Variants in DOK7 observed in about 807,000 individuals in gnomAD.
DOK7 encodes the protein protein Dok-7.
DOK7 carries 32 observed loss-of-function variants against 30.7 expected under a neutral mutation model. That is an observed-to-expected ratio of 1.04 (90% CI 0.79 to 1.40). The LOEUF (loss-of-function observed/expected upper bound fraction) is 1.40, where lower values mean the gene tolerates loss of function less well. Ranked by LOEUF, DOK7 falls within the 40% of genes most tolerant of loss-of-function variation. DOK7 has a pLI of 0.00. For synonymous variants in DOK7, 447 were observed against 324.1 expected, an observed-to-expected ratio of 1.38 and a Z score of -4.07; for missense variants, 1,007 against 699.2, an observed-to-expected ratio of 1.44 and a Z score of -4.97.
chr4:3,463,562 C>T lies in DOK7; in HGVS notation c.100+11C>T, dbSNP rs1423367940. On this transcript the variant is annotated intron_variant, in intron 2 of 6. Coordinates refer to ENST00000340083, the MANE Select transcript of DOK7 (RefSeq NM_173660.5). ...CGTCGCCCGTGGCAGGTGAGCGGGG[C>T]GGGCGGGGGACGGGGGGCGCGGGGG... The T allele has an allele frequency of 4.8e-5, 13 of 271,526 alleles. No individual in the cohort carries two copies. Among genetic ancestry groups the T allele is most frequent in the South Asian group, 1.8e-4 (6 of 33,880 alleles). 16.8% of individuals were successfully genotyped at this position (271,526 alleles called of 1,614,324 possible). A position where few individuals can be genotyped will look rare whatever the true frequency, so the allele number is the denominator to read the frequency against.
chr4:3,491,464 TTC>T (rs1455108891), intron 6 of DOK7, among the ~76,000 whole-genome samples: 2 of 149,850 alleles, frequency 1.3e-5, no homozygotes, highest in Admixed American at 6.6e-5. Context: ...CCTACTCAAT[TTC>T]TCTCTCACTC....
intron 6 of DOK7, 54 bp downstream of exon 6, chr4:3,489,850 A>G (rs1728084942): frequency 3.9e-6 from 6 of 1,547,488 alleles, no homozygotes; most frequent in Non-Finnish European, 5.2e-6. Flanking sequence ...CTCCAGCAGG[A>G]GAGCTCAGGA....
intron 4 of DOK7, among the ~76,000 whole-genome samples, chr4:3,477,382 T>C (rs1330889527): frequency 1.3e-5 from 2 of 151,722 alleles, no homozygotes; most frequent in African/African-American, 4.8e-5. Flanking sequence ...CTCACACTGG[T>C]GGGGGCTCTG....
At chr4:3,500,595 C>A (rs1261283615) in intron 7 of DOK7, 5 of 1,524,268 alleles carry the variant, frequency 3.3e-6, no homozygotes, top group African/African-American at 1.4e-5. Flanking sequence ...CACTCAGATG[C>A]TTCCGAGGGC....
intron 6 of DOK7, among the ~76,000 whole-genome samples, chr4:3,499,964 G>A (rs1349189836): frequency 6.6e-6 from 1 of 151,948 alleles, no homozygotes; most frequent in East Asian, 1.9e-4. Context: ...GGCCCATGGG[G>A]GGGTCGGCAA....
intron 5 of DOK7, among the ~76,000 whole-genome samples, chr4:3,487,562 A>C (rs960220456): frequency 6.6e-6 from 1 of 152,214 alleles, no homozygotes; most frequent in Non-Finnish European, 1.5e-5. Context: ...GGAAGGGCTC[A>C]GAGGTCTGGG....
downstream of DOK7, among the ~76,000 whole-genome samples, chr4:3,498,240 T>A (rs1577191708): frequency 6.6e-6 from 1 of 151,850 alleles, no homozygotes; most frequent in Non-Finnish European, 1.5e-5. Context: ...AAAATCCAAG[T>A]CCCAAGGAGG....
Position 3,493,965 on chromosome 4 carries a change from T to TCCGGCCACCTGGGCTCCACCAGC in DOK7, c.*467_*489dup, listed in dbSNP as rs1255978501. 16 of 995,094 alleles carry TCCGGCCACCTGGGCTCCACCAGC rather than the reference T, an allele frequency of 1.6e-5. No homozygotes were observed. Among genetic ancestry groups the TCCGGCCACCTGGGCTCCACCAGC allele is most frequent in the African/African-American group, 8.8e-5 (5 of 56,916 alleles). 61.6% of individuals were successfully genotyped at this position (995,094 alleles called of 1,614,324 possible). A position where few individuals can be genotyped will look rare whatever the true frequency, so the allele number is the denominator to read the frequency against. The stretch of plus-strand genomic sequence containing the variant: ...TTAAGCATCAAGCTACCACAGAGGC[T>TCCGGCCACCTGGGCTCCACCAGC]CCGGCCACCTGGGCTCCACCAGCCC... On this transcript the variant is annotated 3_prime_UTR_variant, in exon 7 of 7. Coordinates refer to ENST00000340083, the MANE Select transcript of DOK7 (RefSeq NM_173660.5).
intron 6 of DOK7, among the ~76,000 whole-genome samples, 170 bp from the exon 7 acceptor site, chr4:3,492,589 G>A (rs1024058350): frequency 6.6e-5 from 10 of 152,124 alleles, no homozygotes; most frequent in African/African-American, 1.7e-4. Flanking sequence ...GGGGTAGAGG[G>A]GTTGTTGTTG....
At position 3,492,791 on chromosome 4, in the gene DOK7, G is replaced by C. The variant is rs1332985944; in HGVS notation, c.805G>C (p.Glu269Gln). The change falls in exon 7 of 7, where the codon GAG becomes CAG. Residue 269 changes from glutamate (E) to glutamine (Q), a missense_variant. Transcript: ENST00000340083. The part of the protein sequence containing the change: ...DDRSLSSSSS[E>Q]ASHLDVSASS... ...CCGCAGCCTGTCCAGCTCATCCTCA[G>C]AGGCCAGTCACTTGGACGTCAGCGC... 1.1e-5 allele frequency: 17 copies of C among 1,612,810 alleles called. No individual in the cohort carries two copies. Among genetic ancestry groups the C allele is most frequent in the Non-Finnish European group, 1.4e-5 (16 of 1,179,972 alleles).
chr4:3,470,665 C>A (rs1440854722), intron 2 of DOK7, among the ~76,000 whole-genome samples: 2 of 152,206 alleles, frequency 1.3e-5, no homozygotes, highest in Non-Finnish European at 2.9e-5. Context: ...TGGGCCAAAT[C>A]CTGCCGGAAC....
chr4:3,500,137 G>C, intron 6 of DOK7: 1 of 1,284,756 alleles, frequency 7.8e-7, no homozygotes, highest in South Asian at 1.4e-5. Flanking sequence ...AGGTGCAGGA[G>C]AGGCGGAGTG....
rs567258306 is a variant in DOK7 at position 3,477,526 on chromosome 4, T to C, written c.532+984T>C. On this transcript the variant is annotated intron_variant, in intron 4 of 6. Transcript: ENST00000340083. ...CATCTGGGTGCCACGTTCTGCCACC[T>C]TCTGCGCTGGGCGCTGGGAGCAAAC... Among the ~76,000 whole-genome samples the C allele has an allele frequency of 3.3e-5, 5 of 152,394 alleles. No homozygotes were observed. In the South Asian group the frequency reaches 8.3e-4, roughly 25 times the overall value.
chr4:3,463,905 G>A (rs1726121830), intron 2 of DOK7, among the ~76,000 whole-genome samples: 2 of 152,190 alleles, frequency 1.3e-5, no homozygotes, highest in African/African-American at 4.8e-5. Flanking sequence ...CTCAGAGCAG[G>A]GCCCCCGAAC....
intron 4 of DOK7, among the ~76,000 whole-genome samples, chr4:3,483,753 C>T (rs1454280873): frequency 2.0e-5 from 3 of 152,198 alleles, no homozygotes; most frequent in African/African-American, 7.2e-5. Context: ...TGGGGCTGTG[C>T]CGGCTGAGCC....
intron 4 of DOK7, among the ~76,000 whole-genome samples, chr4:3,480,277 C>T (rs367576273): frequency 1.1e-4 from 17 of 152,280 alleles, no homozygotes; most frequent in African/African-American, 3.6e-4. Flanking sequence ...CTGGGGGCCG[C>T]CCGGAGCATT....
intron 5 of DOK7, among the ~76,000 whole-genome samples, chr4:3,487,881 A>G (rs576251712): frequency 1.3e-5 from 2 of 152,262 alleles, no homozygotes; most frequent in Admixed American, 1.3e-4. Flanking sequence ...CTGTCCTGTC[A>G]CTGTGCTTGT....
intron 4 of DOK7, among the ~76,000 whole-genome samples, chr4:3,476,827 G>C (rs1727124358): frequency 1.3e-5 from 2 of 152,256 alleles, no homozygotes; most frequent in African/African-American, 2.4e-5. Context: ...CAGAGCCTCA[G>C]AGCCGCTCAT....
chr4:3,467,622 G>A (rs538403633), intron 2 of DOK7, among the ~76,000 whole-genome samples: 4 of 152,118 alleles, frequency 2.6e-5, no homozygotes, highest in African/African-American at 7.2e-5. Context: ...GCGTGTGCAC[G>A]TGTGAGCAAG....
Sources: allele counts gnomAD v4.1 joint callset (sites outside exome capture counted in the v4.1 genomes callset), GRCh38; gene constraint gnomAD v4.1.1; transcripts MANE v1.5; gene names NCBI Gene and HGNC (gene_info 2026-07-23, HGNC 2026-07-21).